PTPRD: variants seen among roughly 807,000 people sequenced by gnomAD.
The protein encoded by PTPRD is receptor-type tyrosine-protein phosphatase delta.
A neutral mutation model predicts 214.5 loss-of-function variants in PTPRD; 34 were observed. That is an observed-to-expected ratio of 0.16 (90% CI 0.12 to 0.21). The LOEUF (loss-of-function observed/expected upper bound fraction) is 0.21. Ranked by LOEUF, PTPRD falls within the 10% of genes least tolerant of loss-of-function variation. The probability of loss-of-function intolerance (pLI) is 1.00; values close to 1 mark genes in which losing one functional copy is unlikely to be tolerated. For synonymous variants in PTPRD, 1,128 were observed against 845.7 expected (o/e 1.33, Z -5.79); for missense variants, 2,545 against 2,398.7 (o/e 1.06, Z -1.27).
chr9:8,728,734 C>T (rs1191801648), intron 12 of PTPRD, among the ~76,000 whole-genome samples: 1 of 152,116 alleles, frequency 6.6e-6, no homozygotes, highest in Admixed American at 6.5e-5. Context: ...AATACCAGCA[C>T]TTTAGGAGGC....
chr9:8,676,215 C>T (rs1269365083), intron 12 of PTPRD, among the ~76,000 whole-genome samples: 1 of 152,080 alleles, frequency 6.6e-6, no homozygotes, highest in Non-Finnish European at 1.5e-5. Flanking sequence ...TCACCTTCTT[C>T]ATGAAGCAGT....
chr9:9,045,762 T>A (rs143454719), intron 10 of PTPRD, among the ~76,000 whole-genome samples: 1 of 152,224 alleles, frequency 6.6e-6, no homozygotes, highest in African/African-American at 2.4e-5. Context: ...AGCTGTTGGG[T>A]CCTGGAAACA....
intron 14 of PTPRD, among the ~76,000 whole-genome samples, chr9:8,569,780 GGAA>G (rs1385364186): frequency 2.2e-5 from 3 of 137,668 alleles, no homozygotes; most frequent in African/African-American, 8.1e-5. Flanking sequence ...ATTATTTTAA[GGAA>G]GATATAAATT....
At chr9:10,239,448 T>G (rs757441098) in intron 3 of PTPRD, among the ~76,000 whole-genome samples, 2 of 152,086 alleles carry the variant, frequency 1.3e-5, no homozygotes, top group South Asian at 4.1e-4. Flanking sequence ...AACTATTTCA[T>G]TGTAAATTAC....
chr9:10,148,152 A>T (rs1400956779), intron 3 of PTPRD, among the ~76,000 whole-genome samples: 1 of 152,192 alleles, frequency 6.6e-6, no homozygotes, highest in Non-Finnish European at 1.5e-5. Context: ...AGTGTGACAA[A>T]CAAGCCAAAG....
At chr9:9,536,513 G>A (rs551735382) in intron 8 of PTPRD, among the ~76,000 whole-genome samples, 2 of 151,958 alleles carry the variant, frequency 1.3e-5, no homozygotes, top group South Asian at 2.1e-4. Context: ...CAATCAACCC[G>A]TTTAAGATTT....
intron 9 of PTPRD, among the ~76,000 whole-genome samples, chr9:9,366,765 A>C (rs2058003887): frequency 6.6e-6 from 1 of 151,592 alleles, no homozygotes; most frequent in Non-Finnish European, 1.5e-5. Context: ...AAGAGGTTAC[A>C]AAAAAGACAA....
chr9:10,011,662 A>T (rs2096602665), intron 4 of PTPRD, among the ~76,000 whole-genome samples: 1 of 152,012 alleles, frequency 6.6e-6, no homozygotes, highest in Admixed American at 6.6e-5. Flanking sequence ...TCCTCAAAAA[A>T]ATATACATTG....
chr9:8,755,755 T>C (rs910707921), intron 11 of PTPRD, among the ~76,000 whole-genome samples: 1 of 152,142 alleles, frequency 6.6e-6, no homozygotes, highest in Non-Finnish European at 1.5e-5. Context: ...AATTGATCAC[T>C]AAGAATAATA....
At chr9:9,317,547 T>C (rs1270386558) in intron 9 of PTPRD, among the ~76,000 whole-genome samples, 1 of 152,098 alleles carries the variant, frequency 6.6e-6, no homozygotes, top group Non-Finnish European at 1.5e-5. Context: ...AAGTCATTGC[T>C]ATTGCGTCTA....
chr9:10,571,810 A>T (rs1248485281), intron 2 of PTPRD, among the ~76,000 whole-genome samples: 1 of 152,082 alleles, frequency 6.6e-6, no homozygotes, highest in East Asian at 1.9e-4. Context: ...GATCTCTCAC[A>T]TGAGCAGTTC....
At chr9:10,277,440 T>C (rs2094777355) in intron 3 of PTPRD, among the ~76,000 whole-genome samples, 1 of 152,232 alleles carries the variant, frequency 6.6e-6, no homozygotes, top group Admixed American at 6.5e-5. Context: ...CTAGTTTAGT[T>C]GTGTAACTTA....
intron 10 of PTPRD, among the ~76,000 whole-genome samples, chr9:9,106,635 A>G (rs200379053): frequency 6.2e-5 from 9 of 145,524 alleles, no homozygotes; most frequent in East Asian, 2.1e-4. Flanking sequence ...AAAAAAAAAA[A>G]GGTTTCATCT....
intron 3 of PTPRD, among the ~76,000 whole-genome samples, chr9:10,280,360 C>CACACACA (rs752581841): frequency 6.4e-4 from 92 of 144,818 alleles, no homozygotes; most frequent in African/African-American, 2.1e-3. Context: ...TACATAAACA[C>CACACACA]CACACACACA....
intron 9 of PTPRD, among the ~76,000 whole-genome samples, chr9:9,184,330 G>C (rs1260265162): frequency 5.3e-5 from 8 of 151,996 alleles, no homozygotes; most frequent in South Asian, 2.1e-4. Flanking sequence ...AGTTAGATGT[G>C]ACTACATTCC....
chr9:8,992,170 C>T (rs1349204833), intron 11 of PTPRD, among the ~76,000 whole-genome samples: 1 of 152,040 alleles, frequency 6.6e-6, no homozygotes, highest in East Asian at 1.9e-4. Context: ...AACTATTTAA[C>T]CCTGAATGGC....
chr9:8,564,721 T>A (rs1476157848), intron 14 of PTPRD, among the ~76,000 whole-genome samples: 1 of 152,072 alleles, frequency 6.6e-6, no homozygotes, highest in Non-Finnish European at 1.5e-5. Flanking sequence ...AAAGTTGACA[T>A]TCACAATCAA....
At chr9:9,117,144 T>A (rs930549598) in intron 10 of PTPRD, among the ~76,000 whole-genome samples, 1 of 152,120 alleles carries the variant, frequency 6.6e-6, no homozygotes, top group African/African-American at 2.4e-5. Flanking sequence ...TTGAGCTTGT[T>A]GAATTTTTAG....
At chr9:10,156,672 A>C (rs186105293) in intron 3 of PTPRD, among the ~76,000 whole-genome samples, 9 of 152,292 alleles carry the variant, frequency 5.9e-5, no homozygotes. Flanking sequence ...TGCTGAGTTC[A>C]GGTCCTCAAT....
Sources: allele counts gnomAD v4.1 joint callset (sites outside exome capture counted in the v4.1 genomes callset), GRCh38; gene constraint gnomAD v4.1.1; transcripts MANE v1.5; gene names NCBI Gene and HGNC (gene_info 2026-07-23, HGNC 2026-07-21).